Variants in FBRSL1 observed in about 807,000 individuals in gnomAD.
FBRSL1 encodes fibrosin like 1.
A neutral mutation model predicts 89.6 loss-of-function variants in FBRSL1; 51 were observed. The ratio of observed to expected loss-of-function variants is 0.57; its 90% CI spans 0.45 to 0.72. The LOEUF (loss-of-function observed/expected upper bound fraction) is 0.72, where lower values mean the gene tolerates loss of function less well. Ranked by LOEUF, FBRSL1 falls within the 30% of genes least tolerant of loss-of-function variation. The pLI is 0.00. For synonymous variants in FBRSL1, 779 were observed against 681.1 expected, an observed-to-expected ratio of 1.14 and a Z score of -2.24; for missense variants, 1,618 against 1,451.8, an observed-to-expected ratio of 1.11 and a Z score of -1.86.
chr12:132,552,222 C>A lies in FBRSL1; in HGVS notation c.645+4190C>A, dbSNP rs556025766. 5.3e-4 allele frequency: 85 copies of A among 159,066 alleles called. 1 individual carries two copies. Among genetic ancestry groups the A allele is most frequent in the Non-Finnish European group, 6.9e-4 (50 of 71,978 alleles). 9.9% of individuals were successfully genotyped at this position (159,066 alleles called of 1,614,324 possible). ...CAGTCCTCCACACCCAGCCCCTCCC[C>A]AGCAGACCCTTCTTCCAGTGGGGCG... On this transcript the variant is annotated intron_variant, in intron 5 of 18. Coordinates refer to ENST00000680143, the MANE Select transcript of FBRSL1 (RefSeq NM_001367871.1).
chr12:132,564,456 G>C (rs1253286492), intron 5 of FBRSL1, among the ~76,000 whole-genome samples: 1 of 152,032 alleles, frequency 6.6e-6, no homozygotes, highest in Non-Finnish European at 1.5e-5. Context: ...GGCTACGCCT[G>C]GTGAGCCTCC....
At chr12:132,503,540 C>T (rs1424875609) in intron 1 of FBRSL1, among the ~76,000 whole-genome samples, 2 of 152,196 alleles carry the variant, frequency 1.3e-5, no homozygotes, top group African/African-American at 4.8e-5. Context: ...GGGAAAGGGT[C>T]CCGTTCCCAC....
chr12:132,541,122 C>G (rs2037227165), intron 4 of FBRSL1, among the ~76,000 whole-genome samples: 1 of 151,318 alleles, frequency 6.6e-6, no homozygotes, highest in Non-Finnish European at 1.5e-5. Flanking sequence ...CACATCCCTA[C>G]CCCGAGGCAT....
intron 15 of FBRSL1, among the ~76,000 whole-genome samples, chr12:132,578,785 C>T (rs754647783): frequency 1.8e-4 from 27 of 152,098 alleles, no homozygotes; most frequent in Admixed American, 2.6e-4. Flanking sequence ...TTTGATGGCA[C>T]GTTGCATGTG....
intron 5 of FBRSL1, chr12:132,566,283 T>A (rs1244781547): frequency 6.6e-6 from 1 of 151,670 alleles, no homozygotes; most frequent in Admixed American, 6.6e-5. Context: ...GGCTCCACAC[T>A]CAAGACCTCA....
intron 5 of FBRSL1, among the ~76,000 whole-genome samples, chr12:132,563,728 TG>T (rs2039341398): frequency 8.4e-6 from 1 of 118,604 alleles, no homozygotes; most frequent in Non-Finnish European, 1.8e-5. Flanking sequence ...CCGTCGCCCC[TG>T]AACCCCCGAG....
At chr12:132,573,801 A>C (rs1370043374) in intron 11 of FBRSL1, among the ~76,000 whole-genome samples, 1 of 152,062 alleles carries the variant, frequency 6.6e-6, no homozygotes, top group Non-Finnish European at 1.5e-5. Context: ...CTAGGTGTGC[A>C]CCACTCCCCC....
At position 132,493,452 on chromosome 12, in the gene FBRSL1, C is replaced by G. The variant is rs185663918; in HGVS notation, c.291+2591C>G. 6.5e-4 allele frequency among the ~76,000 whole-genome samples: 99 copies of G among 152,288 alleles called. 1 individual carries two copies. In the South Asian group the frequency reaches 7.2e-3, roughly 11 times the overall value. ...GGAGGTGCAGCCTGCCTGCAGGAGT[C>G]CTGTTACCTCACCCCAGACCCCACA... On this transcript the variant is annotated intron_variant, in intron 1 of 18. Coordinates refer to ENST00000680143, the MANE Select transcript of FBRSL1 (RefSeq NM_001367871.1).
chr12:132,582,607 C>T (rs1392606516), intron 18 of FBRSL1, among the ~76,000 whole-genome samples: 2 of 151,974 alleles, frequency 1.3e-5, no homozygotes, highest in East Asian at 1.9e-4. Flanking sequence ...CCACAGGCAC[C>T]CACACCTGCC....
At chr12:132,572,673 G>A (rs2040115325) in intron 11 of FBRSL1, 51 bp downstream of exon 11, 11 of 1,313,552 alleles carry the variant, frequency 8.4e-6, no homozygotes, top group Non-Finnish European at 1.2e-5. Context: ...GGTGGATTTT[G>A]GGGGGAGTGC....
chr12:132,535,728 G>C (rs1420266929), intron 4 of FBRSL1, among the ~76,000 whole-genome samples: 2 of 152,286 alleles, frequency 1.3e-5, no homozygotes, highest in Admixed American at 1.3e-4. Context: ...CGCAGGGCCA[G>C]CGGTTAGGAG....
intron 15 of FBRSL1, among the ~76,000 whole-genome samples, chr12:132,579,036 C>T (rs2040572309): frequency 6.6e-6 from 1 of 152,176 alleles, no homozygotes; most frequent in South Asian, 2.1e-4. Context: ...CCCCACCGAC[C>T]CTGCTCCTCC....
At chr12:132,576,615 T>C (rs529099231) in intron 14 of FBRSL1, among the ~76,000 whole-genome samples, 184 bp from the exon 15 acceptor site, 2 of 152,344 alleles carry the variant, frequency 1.3e-5, no homozygotes, top group East Asian at 3.9e-4. Flanking sequence ...CCCGTTCAGC[T>C]TTTTTGCTGA....
At chr12:132,536,759 A>G (rs2036789060) in intron 4 of FBRSL1, among the ~76,000 whole-genome samples, 1 of 152,108 alleles carries the variant, frequency 6.6e-6, no homozygotes, top group Admixed American at 6.5e-5. Flanking sequence ...CCATGTGTAT[A>G]TGATGGTGTG....
At chr12:132,540,771 G>T (rs887273112) in intron 4 of FBRSL1, among the ~76,000 whole-genome samples, 1 of 151,892 alleles carries the variant, frequency 6.6e-6, no homozygotes, top group African/African-American at 2.4e-5. Flanking sequence ...GCCCCTCCCC[G>T]ATGGCAGGAG....
chr12:132,491,584 T>G (rs1353548367), intron 1 of FBRSL1, among the ~76,000 whole-genome samples: 1 of 152,210 alleles, frequency 6.6e-6, no homozygotes, highest in Non-Finnish European at 1.5e-5. Context: ...CGTGCAGCAC[T>G]TACTTTGGGG....
At chr12:132,582,353 C>A in intron 18 of FBRSL1, 87 bp downstream of exon 18, 1 of 1,174,636 alleles carries the variant, frequency 8.5e-7, no homozygotes, top group Non-Finnish European at 1.2e-6. Context: ...CCCCCTCCCC[C>A]GTTCCCTCTT....
chr12:132,493,610 G>C (rs2031487654), intron 1 of FBRSL1, among the ~76,000 whole-genome samples: 1 of 152,196 alleles, frequency 6.6e-6, no homozygotes, highest in African/African-American at 2.4e-5. Flanking sequence ...CCCGGGGCAG[G>C]TCTCTGTACC....
At chr12:132,580,995 C>T in intron 15 of FBRSL1, 7 of 985,466 alleles carry the variant, frequency 7.1e-6, no homozygotes, top group Non-Finnish European at 7.2e-6. Flanking sequence ...CCATGTGCAG[C>T]CTCCAAGACA....
Sources: allele counts gnomAD v4.1 joint callset (sites outside exome capture counted in the v4.1 genomes callset), GRCh38; gene constraint gnomAD v4.1.1; transcripts MANE v1.5; gene names NCBI Gene and HGNC (gene_info 2026-07-23, HGNC 2026-07-21).